The following GALNT1 variants were observed in gnomAD, a reference collection of about 807,000 sequenced individuals.
GALNT1 encodes the protein polypeptide N-acetylgalactosaminyltransferase 1, also known as GalNAc transferase 1.
GALNT1 carries 17 observed loss-of-function variants against 65.7 expected under a neutral mutation model. That is an observed-to-expected ratio of 0.26 (90% CI 0.18 to 0.39). GALNT1 has a LOEUF of 0.39. GALNT1 is among the 10% of genes least tolerant of loss of function. The pLI is 1.00. For missense variants in GALNT1, 460 were observed against 672.8 expected (o/e 0.68, Z 3.50); for synonymous variants, 210 against 219.7 (o/e 0.96, Z 0.39).
At chr18:35,663,214 T>TG (rs2047501418) in intron 2 of GALNT1, among the ~76,000 whole-genome samples, 1 of 152,166 alleles carries the variant, frequency 6.6e-6, no homozygotes, top group South Asian at 2.1e-4. Flanking sequence ...TGGGTGGCTG[T>TG]TTGACTGCAA....
intron 2 of GALNT1, among the ~76,000 whole-genome samples, chr18:35,657,390 A>G (rs2047407230): frequency 6.6e-6 from 1 of 152,198 alleles, no homozygotes; most frequent in Non-Finnish European, 1.5e-5. Flanking sequence ...AACCGCACCC[A>G]ACCTGAGTTT....
At chr18:35,699,494 G>C (rs1054469414) in intron 9 of GALNT1, among the ~76,000 whole-genome samples, 1 of 152,118 alleles carries the variant, frequency 6.6e-6, no homozygotes, top group African/African-American at 2.4e-5. Flanking sequence ...TGAAAGGAGT[G>C]AACTAAAGGA....
intron 1 of GALNT1, among the ~76,000 whole-genome samples, chr18:35,582,085 C>T (rs1453908561): frequency 6.6e-6 from 1 of 152,092 alleles, no homozygotes; most frequent in Non-Finnish European, 1.5e-5. Flanking sequence ...CAGCGAGTTT[C>T]CGTCCTAGTT....
chr18:35,662,079 GTA>G (rs2047485264), intron 2 of GALNT1, among the ~76,000 whole-genome samples: 1 of 152,136 alleles, frequency 6.6e-6, no homozygotes, highest in Non-Finnish European at 1.5e-5. Context: ...AGACTGGCAA[GTA>G]GAAATGACTA....
chr18:35,627,653 C>A (rs921582367), intron 1 of GALNT1, among the ~76,000 whole-genome samples: 5 of 152,114 alleles, frequency 3.3e-5, no homozygotes, highest in Non-Finnish European at 2.9e-5. Flanking sequence ...GTGAGCGACA[C>A]AGAAGACGGG....
chr18:35,593,632 C>T (rs2046471031), intron 1 of GALNT1, among the ~76,000 whole-genome samples: 1 of 151,842 alleles, frequency 6.6e-6, no homozygotes, highest in African/African-American at 2.4e-5. Context: ...TAATCACCTA[C>T]TAGGATTTTG....
intron 1 of GALNT1, among the ~76,000 whole-genome samples, chr18:35,601,220 A>G (rs1406980584): frequency 2.6e-5 from 4 of 151,812 alleles, no homozygotes; most frequent in African/African-American, 4.8e-5. Context: ...AGGTTTTCCA[A>G]TTTTTTGGTG....
In GALNT1 at chr18:35,689,152, T is replaced by C. The variant is rs369734889; in HGVS notation, c.861-21T>C. On this transcript the variant is annotated intron_variant, in intron 6 of 11. Transcript: ENST00000269195. ...ATTGTAAATTTTAAATTGCTAATGG[T>C]ATAGCATTATTGAATTTCAGGACAC... 1.3e-5 allele frequency: 19 copies of C among 1,413,640 alleles called. No homozygotes were observed. In the African/African-American group the frequency reaches 2.4e-4, roughly 18 times the overall value. The allele number at this position is 1,413,640 out of a possible 1,614,324, so 87.6% of individuals were successfully genotyped here. A position where few individuals can be genotyped will look rare whatever the true frequency, so the allele number is the denominator to read the frequency against.
chr18:35,651,949 T>C (rs1039935588), intron 1 of GALNT1, among the ~76,000 whole-genome samples: 2 of 152,154 alleles, frequency 1.3e-5, no homozygotes, highest in Admixed American at 6.5e-5. Context: ...ACATCTTATA[T>C]CTTTGATGAC....
At position 35,683,435 on chromosome 18, in the gene GALNT1, G is replaced by A. The variant is rs2047816289; in HGVS notation, c.526G>A (p.Val176Ile). ...PLESYVKKLK[V>I]PVHVIRMEQR... ...AGAGAGTTATGTGAAAAAACTAAAA[G>A]TACCAGTTCATGTAATTCGAATGGA... The change falls in exon 5 of 12, where the codon GTA becomes ATA. Residue 176 changes from valine to isoleucine, a missense_variant. By Grantham distance (29) the Val-to-Ile change is conservative. Transcript: ENST00000269195. 6.2e-7 allele frequency: 1 copy of A among 1,613,640 alleles called. No homozygotes were observed. The highest frequency in any genetic ancestry group is 8.5e-7 in the Non-Finnish European group (1 of 1,179,746).
chr18:35,581,133 C>A (rs2046306306), upstream of GALNT1: 1 of 152,060 alleles, frequency 6.6e-6, no homozygotes, highest in South Asian at 2.1e-4. Flanking sequence ...TGGGGCGGCC[C>A]CGCGCTCGGC....
chr18:35,703,485 A>T (rs772605218), intron 10 of GALNT1, 24 bp from the exon 11 acceptor site: 1 of 1,606,800 alleles, frequency 6.2e-7, no homozygotes, highest in Admixed American at 1.7e-5. Flanking sequence ...TTTTCTGTTT[A>T]TGTGTGTGCA....
At position 35,691,079 on chromosome 18, in the gene GALNT1, C is replaced by T; in HGVS notation, c.1046C>T (p.Ala349Val). The change falls in exon 8 of 12, where the codon GCT (alanine) becomes GTT (valine). Residue 349 changes from alanine (A) to valine (V), a missense_variant. Transcript: ENST00000269195. ...CSHVGHVFRKATPYTFPGGTG... is the reference protein window; with the variant it reads ...CSHVGHVFRKVTPYTFPGGTG... Reference sequence around the variant, plus strand: ...CATGTTGGACATGTGTTTCGGAAAGCTACACCTTACACGTTTCCAGGAGGC... The same window carrying T: ...CATGTTGGACATGTGTTTCGGAAAGTTACACCTTACACGTTTCCAGGAGGC... 6.2e-7 allele frequency: 1 copy of T among 1,612,960 alleles called. No individual in the cohort carries two copies. The highest frequency in any genetic ancestry group is 8.5e-7 in the Non-Finnish European group (1 of 1,179,498).
At chr18:35,600,196 T>C (rs2046563642) in intron 1 of GALNT1, among the ~76,000 whole-genome samples, 1 of 152,242 alleles carries the variant, frequency 6.6e-6, no homozygotes, top group African/African-American at 2.4e-5. Context: ...TTAATTTCTT[T>C]CATCAGTGTT....
chr18:35,598,770 T>C (rs2046538793), intron 1 of GALNT1, among the ~76,000 whole-genome samples: 1 of 152,174 alleles, frequency 6.6e-6, no homozygotes, highest in African/African-American at 2.4e-5. Context: ...CTGGATCATA[T>C]GGTACTTCTG....
At chr18:35,681,957 A>G (rs937877546) in intron 4 of GALNT1, among the ~76,000 whole-genome samples, 1 of 152,158 alleles carries the variant, frequency 6.6e-6, no homozygotes, top group Non-Finnish European at 1.5e-5. Context: ...CATTGTGAGC[A>G]TTAAATGAGA....
At chr18:35,688,421 A>G (rs1328349080) in intron 6 of GALNT1, among the ~76,000 whole-genome samples, 1 of 152,076 alleles carries the variant, frequency 6.6e-6, no homozygotes, top group Non-Finnish European at 1.5e-5. Flanking sequence ...CTTTTTCTCC[A>G]TACTTGTTCT....
At chr18:35,649,947 A>G (rs1209865493) in intron 1 of GALNT1, among the ~76,000 whole-genome samples, 9 of 152,308 alleles carry the variant, frequency 5.9e-5, no homozygotes, top group Admixed American at 3.9e-4. Context: ...CTGTTGTGAC[A>G]GACAGTGCCT....
In GALNT1 at chr18:35,687,023, G is replaced by C; in HGVS notation, c.697G>C (p.Val233Leu). The C allele has an allele frequency of 6.2e-7, 1 of 1,611,246 alleles. No individual in the cohort carries two copies. Among genetic ancestry groups the C allele is most frequent in the East Asian group, 2.2e-5 (1 of 44,738 alleles). The change falls in exon 6 of 12, where the codon GTG (valine) becomes CTG (leucine). Residue 233 changes from valine (V) to leucine (L), a missense_variant. Physicochemically the swap from Val to Leu is conservative, Grantham distance 32. Coordinates refer to ENST00000269195, the MANE Select transcript of GALNT1 (RefSeq NM_020474.4). Reference protein sequence around the residue: ...LARIKHDRRTVVCPIIDVISD... With the variant: ...LARIKHDRRTLVCPIIDVISD... ...TTGCTTTTATGACATCAGGAGAACA[G>C]TGGTGTGTCCCATCATCGATGTGAT...
Sources: gnomAD v4.1 joint callset for allele counts (sites outside exome capture counted in the v4.1 genomes callset) on GRCh38, gnomAD v4.1.1 for gene constraint, MANE v1.5 for transcripts, NCBI Gene and HGNC (gene_info 2026-07-23, HGNC 2026-07-21) for gene names.